SYNE3: variants seen among roughly 807,000 people sequenced by gnomAD.
The protein encoded by SYNE3 is spectrin repeat containing nuclear envelope family member 3, also known as nesprin-3.
A neutral mutation model predicts 111.2 loss-of-function variants in SYNE3; 100 were observed. The observed-to-expected ratio is 0.90, with a 90% CI of 0.77 to 1.06. The LOEUF is 1.06. SYNE3 is among the 50% of genes least tolerant of loss of function. The pLI, the probability that SYNE3 is intolerant of heterozygous loss-of-function variation, is 0.00. For missense variants in SYNE3, 1,160 were observed against 1,240.3 expected, an observed-to-expected ratio of 0.94 and a Z score of 0.97; for synonymous variants, 547 against 533.9, an observed-to-expected ratio of 1.02 and a Z score of -0.34.
chr14:95,478,018 A>G (rs1267836857), intron 1 of SYNE3, among the ~76,000 whole-genome samples: 1 of 152,116 alleles, frequency 6.6e-6, no homozygotes, highest in Non-Finnish European at 1.5e-5. Context: ...GAGGCTTTAG[A>G]GCACCCCTTC....
At chr14:95,495,429 T>C (rs10484050) in intron 1 of SYNE3, among the ~76,000 whole-genome samples, 10,352 of 152,276 alleles carry the variant, frequency 0.068, 579 homozygotes, top group Admixed American at 0.17. Flanking sequence ...TGGGTCTTGA[T>C]CTTAGGGTGC....
In SYNE3 at chr14:95,409,247, C is replaced by T; in HGVS notation, c.*8579G>A. 2.2e-6 allele frequency: 1 copy of T among 456,798 alleles called. No homozygotes were observed. Among genetic ancestry groups the T allele is most frequent in the South Asian group, 1.5e-5 (1 of 64,578 alleles). 28.3% of individuals were successfully genotyped at this position (456,798 alleles called of 1,614,324 possible). A position where few individuals can be genotyped will look rare whatever the true frequency, so the allele number is the denominator to read the frequency against. The stretch of plus-strand genomic sequence containing the variant: ...GCTGCTCTGAGGCAGGCTGCTGACC[C>T]TCTCCACACTCTGGTTTCTGATCAT... On this transcript the variant is annotated 3_prime_UTR_variant, in exon 18 of 18. Coordinates refer to ENST00000682763, the MANE Select transcript of SYNE3 (RefSeq NM_152592.6).
In SYNE3 at chr14:95,415,844, A is replaced by T. The variant is rs1305715951; in HGVS notation, c.*1982T>A. The T allele has an allele frequency of 6.6e-6, 1 of 152,128 alleles. No homozygotes were observed. Among genetic ancestry groups the T allele is most frequent in the Admixed American group, 6.6e-5 (1 of 15,252 alleles). 9.4% of individuals were successfully genotyped at this position (152,128 alleles called of 1,614,324 possible). The stretch of plus-strand genomic sequence containing the variant: ...ACCCTAACTCTACTAAAAATACAAA[A>T]ATTAGCTGGGCATGGTGGCAGATGC... On this transcript the variant is annotated 3_prime_UTR_variant, in exon 18 of 18. Coordinates refer to ENST00000682763, the MANE Select transcript of SYNE3 (RefSeq NM_152592.6).
rs574395209 is a variant in SYNE3 at position 95,494,841 on chromosome 14, C to T, written c.-14-19006G>A. 3.1e-4 allele frequency among the ~76,000 whole-genome samples: 47 copies of T among 151,886 alleles called. 1 individual carries two copies. The East Asian group carries it at 9.1e-3, about 30-fold the overall frequency. On this transcript the variant is annotated intron_variant, in intron 1 of 17. Transcript: ENST00000682763. ...AAAAAAGGCCATGGGTGCTGGGCGC[C>T]GTGGCTCATGCCTGTAATCCCAGCA...
intron 1 of SYNE3, among the ~76,000 whole-genome samples, chr14:95,482,383 G>A (rs1253078849): frequency 6.6e-6 from 1 of 152,200 alleles, no homozygotes; most frequent in Non-Finnish European, 1.5e-5. Context: ...GCACTGAGAA[G>A]AGATTGCGCC....
intron 2 of SYNE3, among the ~76,000 whole-genome samples, chr14:95,472,405 C>T (rs776716933): frequency 6.6e-6 from 1 of 152,160 alleles, no homozygotes; most frequent in South Asian, 2.1e-4. Flanking sequence ...TATGCTGGAA[C>T]CTGGGAGTGT....
intron 4 of SYNE3, among the ~76,000 whole-genome samples, chr14:95,461,659 C>A (rs1887825416): frequency 1.3e-5 from 2 of 152,238 alleles, no homozygotes; most frequent in Admixed American, 1.3e-4. Flanking sequence ...TGGCAATGGG[C>A]TCTCATAGGT....
At chr14:95,423,308 G>A (rs979185974) in intron 17 of SYNE3, among the ~76,000 whole-genome samples, 2 of 152,136 alleles carry the variant, frequency 1.3e-5, no homozygotes, top group Admixed American at 6.5e-5. Flanking sequence ...GCGGATGTAT[G>A]ACCATAGGCT....
chr14:95,417,613 A>G lies in SYNE3; in HGVS notation c.*213T>C, dbSNP rs535924417. 1 of 595,626 alleles carries G rather than the reference A, an allele frequency of 1.7e-6. No homozygotes were observed. Among genetic ancestry groups the G allele is most frequent in the African/African-American group, 1.9e-5 (1 of 53,912 alleles). 36.9% of individuals were successfully genotyped at this position (595,626 alleles called of 1,614,324 possible). A position where few individuals can be genotyped will look rare whatever the true frequency, so the allele number is the denominator to read the frequency against. The stretch of plus-strand genomic sequence containing the variant: ...ATAAAAATTCTAGACATTATTCCCT[A>G]GTCACATGTAGTACACATTTAGTAT... On this transcript the variant is annotated 3_prime_UTR_variant, in exon 18 of 18. Coordinates refer to ENST00000682763, the MANE Select transcript of SYNE3 (RefSeq NM_152592.6).
At position 95,433,255 on chromosome 14, in the gene SYNE3, C is replaced by T. The variant is rs201322570; in HGVS notation, c.2688+5G>A. 5 of 1,613,008 alleles carry T rather than the reference C, an allele frequency of 3.1e-6. No individual in the cohort carries two copies. Among genetic ancestry groups the T allele is most frequent in the Non-Finnish European group, 3.4e-6 (4 of 1,179,448 alleles). On this transcript the variant is annotated splice_donor_5th_base_variant and intron_variant, in intron 16 of 17. Coordinates refer to ENST00000682763, the MANE Select transcript of SYNE3 (RefSeq NM_152592.6). ...ATCTGGGACCTGCACATCCTTGGCA[C>T]CTACCAGCAGGTGGCCAGAGTCCTT...
Position 95,450,073 on chromosome 14 carries a change from G to A in SYNE3, c.1307C>T (p.Ala436Val). ...LKVKSARLRN[A>V]AAVELWQHFQ... ...ATGCTGCCACAGCTCCACCGCCGCGGCATTGCGCAGCCTCGCGCTCTTCAC... is the reference window on the plus strand; with the variant it reads ...ATGCTGCCACAGCTCCACCGCCGCGACATTGCGCAGCCTCGCGCTCTTCAC... Residue 436 changes from alanine (A) to valine (V), a missense_variant, in exon 8 of 18, where the codon GCC becomes GTC. Physicochemically the swap from Ala to Val is moderately conservative, Grantham distance 64. Transcript: ENST00000682763. 1 of 1,573,762 alleles carries A rather than the reference G, an allele frequency of 6.4e-7. No individual in the cohort carries two copies. The highest frequency in any genetic ancestry group is 8.6e-7 in the Non-Finnish European group (1 of 1,159,414).
At chr14:95,426,368 C>T (rs954582307) in intron 17 of SYNE3, among the ~76,000 whole-genome samples, 1 of 152,164 alleles carries the variant, frequency 6.6e-6, no homozygotes, top group Non-Finnish European at 1.5e-5. Context: ...CAGATTTGAC[C>T]TGCCCCCGGA....
chr14:95,470,672 A>G lies in SYNE3; in HGVS notation c.145-2705T>C, dbSNP rs1288644862. On this transcript the variant is annotated intron_variant, in intron 2 of 17. Transcript: ENST00000682763. The surrounding 1 kb of genome is among the most constrained non-coding windows in gnomAD (Gnocchi z 4.2). ...TCACTAAAAAACTAAAAATAAGAAA[A>G]AAAAGAGCCGGATGTGGTGGCTCAC... Among the ~76,000 whole-genome samples, 1 of 151,824 alleles carries G rather than the reference A, an allele frequency of 6.6e-6. No homozygotes were observed. The highest frequency in any genetic ancestry group is 1.5e-5 in the Non-Finnish European group (1 of 67,952).
intron 2 of SYNE3, among the ~76,000 whole-genome samples, chr14:95,474,591 C>A (rs1888764378): frequency 1.3e-5 from 2 of 152,206 alleles, no homozygotes; most frequent in Non-Finnish European, 1.5e-5. Flanking sequence ...ACTCCATTTC[C>A]CCAGTTGCAA....
chr14:95,445,029 C>G (rs112594450), intron 9 of SYNE3, among the ~76,000 whole-genome samples: 1 of 152,224 alleles, frequency 6.6e-6, no homozygotes, highest in African/African-American at 2.4e-5. Flanking sequence ...ACTGTCTGGC[C>G]CTTCACAGAA....
intron 1 of SYNE3, among the ~76,000 whole-genome samples, chr14:95,498,509 G>A (rs79484719): frequency 0.089 from 13,593 of 152,222 alleles, 666 homozygotes; most frequent in African/African-American, 0.11. Context: ...GTGAGCCACC[G>A]CTCTGGGCCT....
intron 2 of SYNE3, among the ~76,000 whole-genome samples, chr14:95,468,579 C>T (rs1888336555): frequency 6.6e-6 from 1 of 152,194 alleles, no homozygotes; most frequent in Non-Finnish European, 1.5e-5. Context: ...AACTCACAAA[C>T]AGCTCATGTT....
chr14:95,487,404 G>A (rs1046868620), intron 1 of SYNE3, among the ~76,000 whole-genome samples: 2 of 152,128 alleles, frequency 1.3e-5, no homozygotes, highest in Admixed American at 1.3e-4. Flanking sequence ...AGTGAGACCC[G>A]GAGCCGGCAC....
At chr14:95,489,196 A>G (rs1889713340) in intron 1 of SYNE3, among the ~76,000 whole-genome samples, 1 of 152,208 alleles carries the variant, frequency 6.6e-6, no homozygotes, top group South Asian at 2.1e-4. Flanking sequence ...AAGCCAGTAA[A>G]AGCAGAAGAC....
Sources: gnomAD v4.1 joint callset for allele counts (sites outside exome capture counted in the v4.1 genomes callset) on GRCh38, gnomAD v4.1.1 for gene constraint, Gnocchi (gnomAD v3.1) non-coding constraint, MANE v1.5 for transcripts, NCBI Gene and HGNC (gene_info 2026-07-23, HGNC 2026-07-21) for gene names.